NTNG1: variants seen among roughly 807,000 people sequenced by gnomAD.
NTNG1 encodes netrin-G1.
Under a neutral mutation model 54.0 loss-of-function variants are expected in NTNG1, and 16 were observed. The ratio of observed to expected loss-of-function variants is 0.30; its 90% CI spans 0.20 to 0.45. The LOEUF (loss-of-function observed/expected upper bound fraction) is 0.45, where lower values mean the gene tolerates loss of function less well. NTNG1 is among the 20% of genes least tolerant of loss of function. The pLI, the probability that NTNG1 is intolerant of heterozygous loss-of-function variation, is 1.00. For synonymous variants in NTNG1, 255 were observed against 263.1 expected (o/e 0.97, Z 0.30); for missense variants, 530 against 678.7 (o/e 0.78, Z 2.43).
rs111993933 is a variant in NTNG1, at chr1:107,196,283, C to G, written c.246+47444C>G. ...AGCTCTTGATCTGTGGGCAATTTACCTAGGCTCTCTGAGCCTCAGCTCCCT... is the reference window on the plus strand; with the variant it reads ...AGCTCTTGATCTGTGGGCAATTTACGTAGGCTCTCTGAGCCTCAGCTCCCT... On this transcript the variant is annotated intron_variant, in intron 2 of 7. Transcript: ENST00000370068. Among the ~76,000 whole-genome samples the G allele has an allele frequency of 2.3e-3, 347 of 152,050 alleles. 2 individuals carry two copies. Among genetic ancestry groups the G allele is most frequent in the African/African-American group, 7.9e-3 (329 of 41,520 alleles).
Position 107,268,311 on chromosome 1 carries a change from A to C in NTNG1, c.247-55971A>C, listed in dbSNP as rs1238487182. ...TGCTTGGGTCCCCACCACTGTAACA[A>C]ATATAATTTGTGTCCAATAACCAGT... On this transcript the variant is annotated intron_variant, in intron 2 of 7. Transcript: ENST00000370068. 2.0e-5 allele frequency among the ~76,000 whole-genome samples: 3 copies of C among 152,034 alleles called. No homozygotes were observed. In the East Asian group the frequency reaches 5.8e-4, roughly 29 times the overall value.
At chr1:107,371,841 G>A (rs568868946) in intron 3 of NTNG1, among the ~76,000 whole-genome samples, 19 of 152,106 alleles carry the variant, frequency 1.2e-4, no homozygotes, top group African/African-American at 4.6e-4. Flanking sequence ...CTTAGGACCA[G>A]AAGAGTTTCA....
At chr1:107,221,460 G>A (rs1028617481) in intron 2 of NTNG1, among the ~76,000 whole-genome samples, 3 of 152,134 alleles carry the variant, frequency 2.0e-5, no homozygotes, top group African/African-American at 7.2e-5. Flanking sequence ...AAGGATTCAG[G>A]GTGGCTCTAT....
intron 2 of NTNG1, among the ~76,000 whole-genome samples, chr1:107,289,605 ACCCTAG>A (rs1335538933): frequency 6.6e-6 from 1 of 152,040 alleles, no homozygotes; most frequent in Non-Finnish European, 1.5e-5. Context: ...TCTTTCTTCA[ACCCTAG>A]CCCAGGCACT....
At chr1:107,441,012 T>C (rs1191687014) in intron 7 of NTNG1, among the ~76,000 whole-genome samples, 4 of 151,140 alleles carry the variant, frequency 2.6e-5, no homozygotes, top group Non-Finnish European at 5.9e-5. Context: ...GGTTACCCAA[T>C]AGAAAAATGA....
chr1:107,191,136 A>G (rs1420886713), intron 2 of NTNG1, among the ~76,000 whole-genome samples: 1 of 152,064 alleles, frequency 6.6e-6, no homozygotes, highest in African/African-American at 2.4e-5. Context: ...GTGTGAGATG[A>G]TATCTCATTG....
At chr1:107,293,024 G>A (rs1187556371) in intron 2 of NTNG1, among the ~76,000 whole-genome samples, 1 of 152,128 alleles carries the variant, frequency 6.6e-6, no homozygotes, top group African/African-American at 2.4e-5. Context: ...AGCAAGAATT[G>A]AGGTTGCTGC....
At chr1:107,157,076 ATG>A (rs936104845) in intron 2 of NTNG1, among the ~76,000 whole-genome samples, 17 of 152,242 alleles carry the variant, frequency 1.1e-4, no homozygotes, top group African/African-American at 4.1e-4. Context: ...TACACTTTCT[ATG>A]TGTTATGGCC....
In NTNG1 at chr1:107,148,431, G is replaced by A. The variant is rs550016269; in HGVS notation, c.-163G>A. 2.8e-5 allele frequency: 18 copies of A among 634,210 alleles called. No homozygotes were observed. The South Asian group carries it at 3.6e-4, about 13-fold the overall frequency. The allele number at this position is 634,210 out of a possible 1,614,324, so 39.3% of individuals were successfully genotyped here. On this transcript the variant is annotated 5_prime_UTR_variant, in exon 2 of 8. Coordinates refer to ENST00000370068, the MANE Select transcript of NTNG1 (RefSeq NM_001113226.3). ...ATCTTAACTCTTCATATTTGGTTTT[G>A]GGATCTGCTTTGAGGTCCCATCTTC...
intron 4 of NTNG1, among the ~76,000 whole-genome samples, chr1:107,401,091 C>G (rs1429196308): frequency 6.6e-6 from 1 of 152,176 alleles, no homozygotes; most frequent in Non-Finnish European, 1.5e-5. Context: ...AACACAAGAG[C>G]CTTCAATCTC....
chr1:107,438,084 C>A (rs1042075495), intron 7 of NTNG1, among the ~76,000 whole-genome samples: 3 of 70,156 alleles, frequency 4.3e-5, no homozygotes, highest in African/African-American at 1.1e-4. Context: ...TGTGTAGATC[C>A]AATTTCTATA....
chr1:107,420,050 A>C (rs549078335), intron 5 of NTNG1, among the ~76,000 whole-genome samples: 1 of 152,192 alleles, frequency 6.6e-6, no homozygotes, highest in Admixed American at 6.6e-5. Flanking sequence ...AATGTCACTC[A>C]GTATTTCCTA....
Position 107,379,043 on chromosome 1 carries a change from C to T in NTNG1, c.888-16111C>T, listed in dbSNP as rs143620333. Among the ~76,000 whole-genome samples the T allele has an allele frequency of 1.1e-4, 16 of 152,326 alleles. No homozygotes were observed. In the East Asian group the frequency reaches 2.5e-3, roughly 24 times the overall value. Reference sequence around the variant, plus strand: ...TAATGGCATATCTATTTGACTTTTACTACATGCCTTTCATTCCTCTGAGGT... The same window carrying T: ...TAATGGCATATCTATTTGACTTTTATTACATGCCTTTCATTCCTCTGAGGT... On this transcript the variant is annotated intron_variant, in intron 3 of 7. Transcript: ENST00000370068.
At chr1:107,433,599 CA>C (rs1675414592) in intron 6 of NTNG1, among the ~76,000 whole-genome samples, 1 of 152,134 alleles carries the variant, frequency 6.6e-6, no homozygotes, top group Admixed American at 6.5e-5. Flanking sequence ...TTCCCTCACC[CA>C]CCATAATTTC....
At chr1:107,408,792 T>C (rs1673608933) in intron 5 of NTNG1, 1 of 152,090 alleles carries the variant, frequency 6.6e-6, no homozygotes, top group Non-Finnish European at 1.5e-5. Flanking sequence ...ATAGGTGCTG[T>C]GCCAGGCAGG....
At chr1:107,150,731 G>A (rs1470240155) in intron 2 of NTNG1, among the ~76,000 whole-genome samples, 1 of 152,160 alleles carries the variant, frequency 6.6e-6, no homozygotes, top group East Asian at 1.9e-4. Context: ...TGTCTGTCAT[G>A]TTGAAGGGTT....
intron 2 of NTNG1, among the ~76,000 whole-genome samples, chr1:107,206,084 A>G (rs1490724937): frequency 6.6e-6 from 1 of 152,072 alleles, no homozygotes; most frequent in African/African-American, 2.4e-5. Flanking sequence ...CATATTTTTG[A>G]TGAATATATA....
intron 2 of NTNG1, among the ~76,000 whole-genome samples, chr1:107,235,972 CA>C (rs1661384823): frequency 6.6e-6 from 1 of 152,152 alleles, no homozygotes; most frequent in Non-Finnish European, 1.5e-5. Context: ...AGTGTAATAA[CA>C]GTGGATTACA....
chr1:107,483,081 T>C lies in NTNG1; in HGVS notation c.*2241T>C, dbSNP rs772000944. 6.6e-6 allele frequency: 1 copy of C among 152,142 alleles called. No individual in the cohort carries two copies. Among genetic ancestry groups the C allele is most frequent in the Non-Finnish European group, 1.5e-5 (1 of 68,018 alleles). 9.4% of individuals were successfully genotyped at this position (152,142 alleles called of 1,614,324 possible). A position where few individuals can be genotyped will look rare whatever the true frequency, so the allele number is the denominator to read the frequency against. On this transcript the variant is annotated 3_prime_UTR_variant, in exon 8 of 8. Coordinates refer to ENST00000370068, the MANE Select transcript of NTNG1 (RefSeq NM_001113226.3). ...GAAACACATGAAAATGCTGATAACA[T>C]AGGGAGTTTGAGATTATTTATAATG...
Sources: gnomAD v4.1 joint callset for allele counts (sites outside exome capture counted in the v4.1 genomes callset) on GRCh38, gnomAD v4.1.1 for gene constraint, MANE v1.5 for transcripts, NCBI Gene and HGNC (gene_info 2026-07-23, HGNC 2026-07-21) for gene names.